SDF4: variants seen among roughly 807,000 people sequenced by gnomAD.
SDF4 encodes the protein stromal cell derived factor 4, also known as 45 kDa calcium-binding protein.
In SDF4, 22 loss-of-function variants were observed where a neutral mutation model predicts 34.2. That is an observed-to-expected ratio of 0.64 (90% CI 0.46 to 0.92). The LOEUF (loss-of-function observed/expected upper bound fraction) is 0.92. SDF4 is among the 40% of genes least tolerant of loss of function. SDF4 has a pLI of 0.00. For missense variants in SDF4, 447 were observed against 499.9 expected (o/e 0.89, Z 1.01); for synonymous variants, 236 against 203.1 (o/e 1.16, Z -1.38).
rs1265926987 is a variant in SDF4 at position 1,218,756 on chromosome 1, G to C, written c.715+13C>G. 6.2e-7 allele frequency: 1 copy of C among 1,612,468 alleles called. No individual in the cohort carries two copies. Among genetic ancestry groups the C allele is most frequent in the Admixed American group, 1.7e-5 (1 of 59,998 alleles). On this transcript the variant is annotated intron_variant, in intron 5 of 6. Transcript: ENST00000360001. The surrounding 1 kb of genome is among the most constrained non-coding windows in gnomAD (Gnocchi z 7.9). ...GGGTCCTGGCGTGCCGGCCAGGCTG[G>C]ACCCAGCCTCACCCAGGTCCCGGAC... is the stretch of plus-strand genomic sequence containing the variant.
intron 2 of SDF4, among the ~76,000 whole-genome samples, chr1:1,225,097 C>T (rs1203209734): frequency 2.6e-5 from 4 of 152,186 alleles, no homozygotes; most frequent in Non-Finnish European, 5.9e-5. Flanking sequence ...CAGGACAGGT[C>T]ACTCCCGTCC....
At chr1:1,219,969 G>A in intron 4 of SDF4, 1 of 985,774 alleles carries the variant, frequency 1.0e-6, no homozygotes, top group South Asian at 4.7e-5. Flanking sequence ...GAAGACAGGA[G>A]TGACGGGGCT....
chr1:1,223,073 T>C, intron 4 of SDF4, 171 bp downstream of exon 4: 1 of 611,366 alleles, frequency 1.6e-6, no homozygotes, highest in Non-Finnish European at 2.9e-6. Context: ...ACACACGTAC[T>C]CACGAGCACG....
intron 2 of SDF4, among the ~76,000 whole-genome samples, chr1:1,228,034 A>G (rs1638368370): frequency 6.6e-6 from 1 of 152,170 alleles, no homozygotes; most frequent in South Asian, 2.1e-4. Context: ...TGTCAGGAGG[A>G]GCCCAGAGCA....
chr1:1,231,675 C>CG lies in SDF4; in HGVS notation c.-175+216dup, dbSNP rs1176100229. On this transcript the variant is annotated intron_variant, in intron 1 of 6. Transcript: ENST00000360001. ...GCCAGTAGGAGACCAGACGTGCCGG[C>CG]GGCCGGGGAGGCCAGCGTCGTCGGC... is the stretch of plus-strand genomic sequence containing the variant. Among the ~76,000 whole-genome samples the CG allele has an allele frequency of 4.6e-5, 7 of 152,206 alleles. No homozygotes were observed. The East Asian group carries it at 1.2e-3, about 25-fold the overall frequency.
In SDF4 at chr1:1,223,260, G is replaced by A; in HGVS notation, c.540C>T (p.Leu180=). Reference sequence around the variant, plus strand: ...AGCACTCACTTTCCTCATCCACTTTGAGTTCCTCGTTGAGCCTGATGGCGT... The same window carrying A: ...AGCACTCACTTTCCTCATCCACTTTAAGTTCCTCGTTGAGCCTGATGGCGT... The part of the protein sequence containing the change: ...VADAIRLNEE[L]KVDEETQEVL... The change falls in exon 4 of 7, where the codon CTC becomes CTT. Residue 180 remains leucine (L), a synonymous_variant. Coordinates refer to ENST00000360001, the MANE Select transcript of SDF4 (RefSeq NM_016176.6). 6.2e-7 allele frequency: 1 copy of A among 1,613,652 alleles called. No individual in the cohort carries two copies. The highest frequency in any genetic ancestry group is 1.7e-5 in the Admixed American group (1 of 60,030).
rs1388468368 is a variant in SDF4 at position 1,220,706 on chromosome 1, G to A, written c.557-1779C>T. 8 of 1,289,122 alleles carry A rather than the reference G, an allele frequency of 6.2e-6. No individual in the cohort carries two copies. In the East Asian group the frequency reaches 3.3e-4, roughly 54 times the overall value. 79.9% of individuals were successfully genotyped at this position (1,289,122 alleles called of 1,614,324 possible). A position where few individuals can be genotyped will look rare whatever the true frequency, so the allele number is the denominator to read the frequency against. On this transcript the variant is annotated intron_variant, in intron 4 of 6. Transcript: ENST00000360001. ...GGAGGCTTCACAGAAATGTCACAGA[G>A]CTCTAGGTCCAGGTGGGCCATGTCC...
chr1:1,224,347 T>C (rs1638230218), intron 2 of SDF4, among the ~76,000 whole-genome samples: 1 of 152,206 alleles, frequency 6.6e-6, no homozygotes. Flanking sequence ...TGGCGCAATC[T>C]TTGCTCACTG....
intron 1 of SDF4, among the ~76,000 whole-genome samples, chr1:1,231,552 G>A (rs1022416435): frequency 7.9e-5 from 12 of 152,274 alleles, no homozygotes; most frequent in African/African-American, 2.4e-4. Context: ...CGCAGGCGCA[G>A]GGAAGCGGGG....
chr1:1,226,185 G>A (rs936698403), intron 2 of SDF4, among the ~76,000 whole-genome samples: 5 of 152,218 alleles, frequency 3.3e-5, no homozygotes, highest in South Asian at 2.1e-4. Flanking sequence ...CAGGTGGCAC[G>A]GAGGCGAGCC....
intron 2 of SDF4, among the ~76,000 whole-genome samples, chr1:1,225,934 C>T (rs3949751): frequency 6.8e-4 from 104 of 152,360 alleles, no homozygotes; most frequent in East Asian, 3.9e-3. Context: ...GGGCGGTGCA[C>T]GTACATGGAG....
rs572222634 is a variant in SDF4, at chr1:1,228,669, G to A, written c.104C>T (p.Ser35Leu). 16 of 1,613,116 alleles carry A rather than the reference G, an allele frequency of 9.9e-6. 1 individual carries two copies. Among genetic ancestry groups the A allele is most frequent in the South Asian group, 9.9e-5 (9 of 91,086 alleles). ...GTTGGCTACTCTCTCTCGAGTGGACGAGTGGTTGGCAGGCCGTGCAGACGC... is the reference window on the plus strand; with the variant it reads ...GTTGGCTACTCTCTCTCGAGTGGACAAGTGGTTGGCAGGCCGTGCAGACGC... ...MDASARPANH[S>L]STRERVANRE... Residue 35 changes from serine (S) to leucine (L), a missense_variant, in exon 2 of 7, where the codon TCG becomes TTG. By Grantham distance (145) the Ser-to-Leu change is moderately radical. Transcript: ENST00000360001.
At chr1:1,230,735 AGGCGTG>A (rs1638467805) in intron 1 of SDF4, among the ~76,000 whole-genome samples, 1 of 152,234 alleles carries the variant, frequency 6.6e-6, no homozygotes, top group African/African-American at 2.4e-5. Context: ...CTGGGACTAT[AGGCGTG>A]AGCCATGCAC....
rs201719242 is a variant in SDF4 at position 1,217,700 on chromosome 1, C to T, written c.892-12G>A. On this transcript the variant is annotated splice_polypyrimidine_tract_variant and intron_variant, in intron 6 of 6. Coordinates refer to ENST00000360001, the MANE Select transcript of SDF4 (RefSeq NM_016176.6). This position sits in a 1 kb window ranked among gnomAD's most constrained non-coding sequence, Gnocchi z 8.5. ...GGGTCCATGTAGCTCTGCGGGCGAGCGGGGCACAGGTCAGCGTCGCCTTTC... is the reference window on the plus strand; with the variant it reads ...GGGTCCATGTAGCTCTGCGGGCGAGTGGGGCACAGGTCAGCGTCGCCTTTC... The T allele has an allele frequency of 1.5e-4, 244 of 1,613,412 alleles. 1 individual carries two copies. In the Middle Eastern group the frequency reaches 4.1e-3, roughly 27 times the overall value.
At position 1,218,725 on chromosome 1, in the gene SDF4, G is replaced by C. The variant is rs370739366; in HGVS notation, c.715+44C>G. 6.2e-6 allele frequency: 10 copies of C among 1,611,266 alleles called. No homozygotes were observed. Among genetic ancestry groups the C allele is most frequent in the Non-Finnish European group, 7.6e-6 (9 of 1,178,492 alleles). On this transcript the variant is annotated intron_variant, in intron 5 of 6. Coordinates refer to ENST00000360001, the MANE Select transcript of SDF4 (RefSeq NM_016176.6). The surrounding 1 kb of genome is among the most constrained non-coding windows in gnomAD (Gnocchi z 7.9). Reference sequence around the variant, plus strand: ...CGACGATGCCCGGCCCCTGCCAGTCGGTCCTGGGTCCTGGCGTGCCGGCCA... The same window carrying C: ...CGACGATGCCCGGCCCCTGCCAGTCCGTCCTGGGTCCTGGCGTGCCGGCCA...
At chr1:1,227,069 G>A (rs978456145) in intron 2 of SDF4, among the ~76,000 whole-genome samples, 17 of 152,124 alleles carry the variant, frequency 1.1e-4, no homozygotes, top group Non-Finnish European at 2.2e-4. Flanking sequence ...TCCTCCAGCT[G>A]GCACCGTGCC....
chr1:1,223,099 TAC>T (rs1257267348), intron 4 of SDF4, 143 bp downstream of exon 4: 3 of 652,284 alleles, frequency 4.6e-6, no homozygotes, highest in East Asian at 2.7e-5. Context: ...AGCACACTCG[TAC>T]ACACGGCACG....
intron 2 of SDF4, among the ~76,000 whole-genome samples, chr1:1,227,793 C>T (rs1334277313): frequency 6.6e-6 from 1 of 152,234 alleles, no homozygotes; most frequent in Admixed American, 6.5e-5. Context: ...AACAGGCTCT[C>T]GAGACTCAGG....
Position 1,218,357 on chromosome 1 carries a change from G to A in SDF4, c.891+101C>T. 1 of 1,318,240 alleles carries A rather than the reference G, an allele frequency of 7.6e-7. No individual in the cohort carries two copies. Among genetic ancestry groups the A allele is most frequent in the South Asian group, 1.4e-5 (1 of 72,088 alleles). The allele number at this position is 1,318,240 out of a possible 1,614,324, so 81.7% of individuals were successfully genotyped here. On this transcript the variant is annotated intron_variant, in intron 6 of 6. Coordinates refer to ENST00000360001, the MANE Select transcript of SDF4 (RefSeq NM_016176.6). This position sits in a 1 kb window ranked among gnomAD's most constrained non-coding sequence, Gnocchi z 7.9. ...CCAGCCCAGATGGAGTCTCAGGCCA[G>A]ACACCAGCACAGCTTCCTGCCTCAG...
Sources: gnomAD v4.1 joint callset for allele counts (sites outside exome capture counted in the v4.1 genomes callset) on GRCh38, gnomAD v4.1.1 for gene constraint, Gnocchi (gnomAD v3.1) non-coding constraint, MANE v1.5 for transcripts, NCBI Gene and HGNC (gene_info 2026-07-23, HGNC 2026-07-21) for gene names.